ASIC2: variants seen among roughly 807,000 people sequenced by gnomAD.
ASIC2 encodes acid sensing ion channel subunit 2, also known as acid-sensing ion channel 2.
ASIC2 carries 25 observed loss-of-function variants against 57.3 expected under a neutral mutation model. The ratio of observed to expected loss-of-function variants is 0.44; its 90% CI spans 0.32 to 0.61. ASIC2 has a LOEUF of 0.61. ASIC2 is among the 20% of genes least tolerant of loss of function. ASIC2 has a pLI of 0.06. For synonymous variants in ASIC2, 319 were observed against 307.5 expected (o/e 1.04, Z -0.39); for missense variants, 641 against 738.1 (o/e 0.87, Z 1.52).
chr17:33,846,672 C>T (rs1047065648), intron 1 of ASIC2, among the ~76,000 whole-genome samples: 3 of 152,090 alleles, frequency 2.0e-5, no homozygotes, highest in East Asian at 3.9e-4. Flanking sequence ...ACAATAACAC[C>T]GTCTACTTCT....
At chr17:34,087,364 G>T (rs927352338) in intron 1 of ASIC2, among the ~76,000 whole-genome samples, 1 of 151,922 alleles carries the variant, frequency 6.6e-6, no homozygotes, top group African/African-American at 2.4e-5. Context: ...GTTGAATATT[G>T]GCCCCCACTC....
intron 1 of ASIC2, among the ~76,000 whole-genome samples, chr17:33,837,218 A>T (rs547282094): frequency 6.6e-6 from 1 of 152,188 alleles, no homozygotes. Context: ...TGCTGCCCAG[A>T]TCCCAAACTC....
chr17:33,079,358 A>G (rs1428015648), intron 3 of ASIC2, among the ~76,000 whole-genome samples: 2 of 152,148 alleles, frequency 1.3e-5, no homozygotes, highest in Non-Finnish European at 2.9e-5. Flanking sequence ...AGGTGATGAA[A>G]GGGTGGGAAG....
At chr17:33,373,475 T>G (rs991808120) in intron 1 of ASIC2, among the ~76,000 whole-genome samples, 1 of 152,208 alleles carries the variant, frequency 6.6e-6, no homozygotes, top group Non-Finnish European at 1.5e-5. Flanking sequence ...CCCCTCCCTG[T>G]TTGAGGGCTG....
At chr17:34,018,393 A>G (rs567278343) in intron 1 of ASIC2, among the ~76,000 whole-genome samples, 23 of 152,368 alleles carry the variant, frequency 1.5e-4, no homozygotes, top group African/African-American at 5.3e-4. Flanking sequence ...ATGAAGACGT[A>G]CAAGGAGATT....
intron 1 of ASIC2, among the ~76,000 whole-genome samples, chr17:33,986,707 C>T (rs1193337592): frequency 1.3e-5 from 2 of 151,920 alleles, no homozygotes; most frequent in African/African-American, 2.4e-5. Flanking sequence ...AAGCATGGTG[C>T]TCCATAAATT....
intron 1 of ASIC2, among the ~76,000 whole-genome samples, chr17:33,271,189 T>C (rs1217650363): frequency 6.6e-6 from 1 of 152,100 alleles, no homozygotes; most frequent in Admixed American, 6.5e-5. Context: ...TCCTTGACTG[T>C]TCCCTCTCAC....
At chr17:33,831,595 A>C (rs1913114401) in intron 1 of ASIC2, among the ~76,000 whole-genome samples, 1 of 152,180 alleles carries the variant, frequency 6.6e-6, no homozygotes, top group African/African-American at 2.4e-5. Context: ...AAAAAAAAAA[A>C]AAAATAGAGT....
At chr17:33,147,527 A>G (rs1481645209) in intron 1 of ASIC2, among the ~76,000 whole-genome samples, 1 of 152,216 alleles carries the variant, frequency 6.6e-6, no homozygotes, top group East Asian at 1.9e-4. Flanking sequence ...TGTTCTCTCT[A>G]ACAAGTTTCA....
intron 1 of ASIC2, chr17:34,037,554 A>C: frequency 1.4e-6 from 2 of 1,399,536 alleles, no homozygotes; most frequent in Non-Finnish European, 1.9e-6. Flanking sequence ...CTATGTTCCA[A>C]ACCCGCTGCT....
rs559972557 is a variant in ASIC2 at position 34,019,665 on chromosome 17, A to T, written c.555+136313T>A. On this transcript the variant is annotated intron_variant, in intron 1 of 9. Transcript: ENST00000359872. ...TGCAAATGCACATTTAATAGACTACAGTATAGTGTAACAATAACTTTTATA... is the reference window on the plus strand; with the variant it reads ...TGCAAATGCACATTTAATAGACTACTGTATAGTGTAACAATAACTTTTATA... Among the ~76,000 whole-genome samples the T allele has an allele frequency of 3.2e-4, 49 of 152,376 alleles. 1 individual carries two copies. The South Asian group carries it at 7.0e-3, about 22-fold the overall frequency.
Position 33,550,341 on chromosome 17 carries a change from T to C in ASIC2, c.556-438274A>G, listed in dbSNP as rs185776502. On this transcript the variant is annotated intron_variant, in intron 1 of 9. Coordinates refer to the ASIC2 transcript ENST00000359872. ...TAACTGCTGCGGTCTGCTATGTGAG[T>C]GCTGGTGGGCTCTGCTGGGCGACAA... is the stretch of plus-strand genomic sequence containing the variant. 2.7e-3 allele frequency among the ~76,000 whole-genome samples: 407 copies of C among 152,284 alleles called. 2 individuals carry two copies. Among genetic ancestry groups the C allele is most frequent in the African/African-American group, 9.4e-3 (389 of 41,546 alleles).
At chr17:33,958,489 G>A (rs978384156) in intron 1 of ASIC2, among the ~76,000 whole-genome samples, 28 of 152,138 alleles carry the variant, frequency 1.8e-4, no homozygotes, top group Non-Finnish European at 3.8e-4. Flanking sequence ...GCACCCACAG[G>A]ACCAACACCA....
chr17:33,564,635 G>A (rs1337061194), intron 1 of ASIC2, among the ~76,000 whole-genome samples: 1 of 152,254 alleles, frequency 6.6e-6, no homozygotes, highest in Non-Finnish European at 1.5e-5. Flanking sequence ...CGAAGTGCCA[G>A]CAAGCCACCC....
intron 1 of ASIC2, among the ~76,000 whole-genome samples, chr17:33,299,246 G>A (rs1905849502): frequency 6.6e-6 from 1 of 151,212 alleles, no homozygotes; most frequent in Admixed American, 6.6e-5. Flanking sequence ...CAGAGTTATA[G>A]ACCAATGCAA....
Position 33,230,337 on chromosome 17 carries a change from C to T in ASIC2, c.708+61071G>A, listed in dbSNP as rs796190830. 5.9e-5 allele frequency among the ~76,000 whole-genome samples: 9 copies of T among 152,356 alleles called. 1 individual carries two copies. Among genetic ancestry groups the T allele is most frequent in the African/African-American group, 1.9e-4 (8 of 41,588 alleles). ...AAGTTGCTCTGGTGAGACTGTCACT[C>T]TTTGGCAGAAGCCAATGCTCAGTGA... On this transcript the variant is annotated intron_variant, in intron 1 of 9. Coordinates refer to ENST00000225823, the MANE Select transcript of ASIC2 (RefSeq NM_183377.2).
chr17:33,867,943 C>T (rs977710049), intron 1 of ASIC2, among the ~76,000 whole-genome samples: 3 of 152,170 alleles, frequency 2.0e-5, no homozygotes, highest in East Asian at 3.8e-4. Flanking sequence ...TGGCTTCTTC[C>T]CAAGATGATG....
At chr17:33,686,429 T>C (rs919189022) in intron 1 of ASIC2, among the ~76,000 whole-genome samples, 1 of 152,126 alleles carries the variant, frequency 6.6e-6, no homozygotes, top group African/African-American at 2.4e-5. Context: ...TCCTGTTCAG[T>C]ATGTAATTCT....
intron 1 of ASIC2, among the ~76,000 whole-genome samples, chr17:33,367,889 G>C (rs1908881039): frequency 6.6e-6 from 1 of 152,140 alleles, no homozygotes; most frequent in Non-Finnish European, 1.5e-5. Flanking sequence ...TCGAGCTTAG[G>C]TATTCTCTTC....
Sources: allele counts gnomAD v4.1 joint callset (sites outside exome capture counted in the v4.1 genomes callset), GRCh38; gene constraint gnomAD v4.1.1; transcripts MANE v1.5; gene names NCBI Gene and HGNC (gene_info 2026-07-23, HGNC 2026-07-21).